NAA30: variants seen among roughly 807,000 people sequenced by gnomAD.
NAA30 encodes the protein N-alpha-acetyltransferase 30.
Under a neutral mutation model 31.4 loss-of-function variants are expected in NAA30, and 5 were observed. The observed-to-expected ratio is 0.16, with a 90% CI of 0.08 to 0.33. The LOEUF (loss-of-function observed/expected upper bound fraction) is 0.33, where lower values mean the gene tolerates loss of function less well. NAA30 is among the 10% of genes least tolerant of loss of function. The pLI is 1.00. For synonymous variants in NAA30, 222 were observed against 207.1 expected (o/e 1.07, Z -0.62); for missense variants, 428 against 490.8 (o/e 0.87, Z 1.21).
chr14:57,414,976 A>C lies in NAA30; in HGVS notation c.*5460A>C, dbSNP rs2066541096. 6.6e-6 allele frequency: 1 copy of C among 152,240 alleles called. No homozygotes were observed. Among genetic ancestry groups the C allele is most frequent in the Admixed American group, 6.5e-5 (1 of 15,284 alleles). The allele number at this position is 152,240 out of a possible 1,614,324, so 9.4% of individuals were successfully genotyped here. ...TGCAATATGGGGGTTATAATGAAAT[A>C]GTTTTAGTCTATGTAAGGTTTTTAT... is the stretch of plus-strand genomic sequence containing the variant. On this transcript the variant is annotated 3_prime_UTR_variant, in exon 5 of 5. Transcript: ENST00000556492.
chr14:57,403,404 G>A (rs1465397637), intron 4 of NAA30, among the ~76,000 whole-genome samples: 2 of 152,136 alleles, frequency 1.3e-5, no homozygotes, highest in Non-Finnish European at 2.9e-5. Flanking sequence ...CCAGTTATTA[G>A]TAATCACAGA....
chr14:57,415,035 A>G lies in NAA30; in HGVS notation c.*5519A>G, dbSNP rs2066541458. The G allele has an allele frequency of 6.6e-6, 1 of 152,132 alleles. No individual in the cohort carries two copies. The allele number at this position is 152,132 out of a possible 1,614,324, so 9.4% of individuals were successfully genotyped here. ...GAAATAAGCTTATTTTTAGATATGG[A>G]TTTTTTATGACTACCTCTTTGCTGT... is the stretch of plus-strand genomic sequence containing the variant. On this transcript the variant is annotated 3_prime_UTR_variant, in exon 5 of 5. Transcript: ENST00000556492.
chr14:57,392,885 T>G (rs552719293), intron 2 of NAA30, among the ~76,000 whole-genome samples: 1 of 152,332 alleles, frequency 6.6e-6, no homozygotes, highest in African/African-American at 2.4e-5. Flanking sequence ...AGTTCTATTT[T>G]CTGTCTTAAC....
chr14:57,397,421 A>C (rs1365330758), intron 3 of NAA30, among the ~76,000 whole-genome samples: 3 of 152,178 alleles, frequency 2.0e-5, no homozygotes, highest in African/African-American at 7.2e-5. Flanking sequence ...TGTTTAGTTA[A>C]TCTTAACACT....
chr14:57,404,589 C>T (rs1387965441), intron 4 of NAA30, among the ~76,000 whole-genome samples: 1 of 152,036 alleles, frequency 6.6e-6, no homozygotes, highest in South Asian at 2.1e-4. Flanking sequence ...TGTATTAGTC[C>T]GTTTTCACAT....
At position 57,413,821 on chromosome 14, in the gene NAA30, T is replaced by A. The variant is rs576065778; in HGVS notation, c.*4305T>A. 6.6e-6 allele frequency: 1 copy of A among 152,330 alleles called. No homozygotes were observed. The highest frequency in any genetic ancestry group is 1.9e-4 in the East Asian group (1 of 5,184). 9.4% of individuals were successfully genotyped at this position (152,330 alleles called of 1,614,324 possible). ...TGATATTCTTTTTATAAGCAACTTT[T>A]AAAAAGTTTTTTAAAAGATCTCATA... is the stretch of plus-strand genomic sequence containing the variant. On this transcript the variant is annotated 3_prime_UTR_variant, in exon 5 of 5. Transcript: ENST00000556492.
chr14:57,401,667 G>A (rs2066477904), intron 4 of NAA30, among the ~76,000 whole-genome samples: 1 of 152,202 alleles, frequency 6.6e-6, no homozygotes, highest in African/African-American at 2.4e-5. Flanking sequence ...AGAGCAGAGA[G>A]TATTATGTTC....
chr14:57,391,713 A>G lies in NAA30; in HGVS notation c.756A>G (p.Pro252=). Residue 252 remains proline (P), a synonymous_variant, in exon 2 of 5, where the codon CCA becomes CCG. Coordinates refer to ENST00000556492, the MANE Select transcript of NAA30 (RefSeq NM_001011713.3). The surrounding 1 kb of genome is among the most constrained non-coding windows in gnomAD (Gnocchi z 4.1). The part of the protein sequence containing the change: ...YTYRYFIHNW[P]QLCFLAMVGE... ...ATAGATATTTTATCCACAACTGGCC[A>G]CAGCTGTGCTTCTTGGTAAGTGGAT... The G allele has an allele frequency of 6.2e-7, 1 of 1,606,556 alleles. No individual in the cohort carries two copies.
intron 4 of NAA30, among the ~76,000 whole-genome samples, chr14:57,402,596 TA>T (rs201012623): frequency 5.9e-5 from 9 of 152,120 alleles, no homozygotes; most frequent in African/African-American, 2.2e-4. Flanking sequence ...GGATTTTTTT[TA>T]AAAAAAGGCA....
rs544139912 is a variant in NAA30 at position 57,411,250 on chromosome 14, G to A, written c.*1734G>A. 2 of 152,098 alleles carry A rather than the reference G, an allele frequency of 1.3e-5. No homozygotes were observed. Among genetic ancestry groups the A allele is most frequent in the Non-Finnish European group, 2.9e-5 (2 of 67,926 alleles). 9.4% of individuals were successfully genotyped at this position (152,098 alleles called of 1,614,324 possible). On this transcript the variant is annotated 3_prime_UTR_variant, in exon 5 of 5. Coordinates refer to ENST00000556492, the MANE Select transcript of NAA30 (RefSeq NM_001011713.3). ...TTTCCTTTTTATATTGCTCTTGAAA[G>A]TTTAATGAGCAGAATACAATACTGG... is the stretch of plus-strand genomic sequence containing the variant.
chr14:57,400,350 TA>T (rs1416666796), intron 4 of NAA30, among the ~76,000 whole-genome samples: 2 of 152,230 alleles, frequency 1.3e-5, no homozygotes, highest in African/African-American at 4.8e-5. Flanking sequence ...CGCATTAACA[TA>T]AGAGCATTTT....
chr14:57,401,162 C>CT (rs1016061947), intron 4 of NAA30, among the ~76,000 whole-genome samples: 1 of 152,088 alleles, frequency 6.6e-6, no homozygotes, highest in Admixed American at 6.5e-5. Flanking sequence ...ATAATAATTG[C>CT]TTTTTTCTTT....
intron 3 of NAA30, among the ~76,000 whole-genome samples, chr14:57,397,666 C>T (rs570007586): frequency 1.2e-3 from 181 of 152,308 alleles, no homozygotes; most frequent in African/African-American, 4.2e-3. Flanking sequence ...GTGGCTCACG[C>T]CTATAATCCC....
In NAA30 at chr14:57,391,101, C is replaced by T; in HGVS notation, c.144C>T (p.His48=). The change falls in exon 2 of 5, where the codon CAC becomes CAT. Residue 48 remains histidine, a synonymous_variant. Transcript: ENST00000556492. This position sits in a 1 kb window ranked among gnomAD's most constrained non-coding sequence, Gnocchi z 4.1. ...CSEDEEDDEE[H]EGGGSRSPAG... ...AGGACGAGGAGGACGACGAAGAGCACGAAGGCGGCGGCAGCAGGAGCCCGG... is the reference window on the plus strand; with the variant it reads ...AGGACGAGGAGGACGACGAAGAGCATGAAGGCGGCGGCAGCAGGAGCCCGG... The T allele has an allele frequency of 2.5e-6, 4 of 1,569,254 alleles. No homozygotes were observed. The highest frequency in any genetic ancestry group is 2.6e-6 in the Non-Finnish European group (3 of 1,160,720).
Position 57,412,111 on chromosome 14 carries a change from G to T in NAA30, c.*2595G>T, listed in dbSNP as rs764551536. On this transcript the variant is annotated 3_prime_UTR_variant, in exon 5 of 5. Transcript: ENST00000556492. ...TAACGGGTATACTATCATTTTTGAT[G>T]TGTGGGCTGATTATAATTTCCTGTA... 1 of 152,104 alleles carries T rather than the reference G, an allele frequency of 6.6e-6. No homozygotes were observed. 9.4% of individuals were successfully genotyped at this position (152,104 alleles called of 1,614,324 possible). A position where few individuals can be genotyped will look rare whatever the true frequency, so the allele number is the denominator to read the frequency against.
At chr14:57,398,872 G>A (rs867531103) in intron 3 of NAA30, among the ~76,000 whole-genome samples, 14 of 150,740 alleles carry the variant, frequency 9.3e-5, no homozygotes, top group African/African-American at 2.9e-4. Context: ...CCTGACCTCC[G>A]GTGATCCGCC....
intron 2 of NAA30, among the ~76,000 whole-genome samples, chr14:57,394,456 C>T (rs767579183): frequency 3.3e-5 from 5 of 151,862 alleles, no homozygotes; most frequent in Admixed American, 6.6e-5. Flanking sequence ...CATTTAATAG[C>T]GTGAATTCCA....
chr14:57,400,227 ACTGT>A (rs1350110547), intron 4 of NAA30, among the ~76,000 whole-genome samples: 6 of 152,208 alleles, frequency 3.9e-5, no homozygotes, highest in Admixed American at 1.3e-4. Context: ...ACAATGGGAA[ACTGT>A]CAGTCTATAT....
chr14:57,409,177 A>T (rs2066512368), intron 4 of NAA30, among the ~76,000 whole-genome samples: 1 of 152,212 alleles, frequency 6.6e-6, no homozygotes, highest in South Asian at 2.1e-4. Flanking sequence ...CAGAAGATAA[A>T]TCTGCAGTGG....
Sources: allele counts gnomAD v4.1 joint callset (sites outside exome capture counted in the v4.1 genomes callset), GRCh38; gene constraint gnomAD v4.1.1; non-coding constraint Gnocchi (gnomAD v3.1); transcripts MANE v1.5; gene names NCBI Gene and HGNC (gene_info 2026-07-23, HGNC 2026-07-21).